The following ZNG1E variants were observed in gnomAD, a reference collection of about 807,000 sequenced individuals.
ZNG1E encodes Zn regulated GTPase metalloprotein activator 1E, also known as zinc-regulated GTPase metalloprotein activator 1E.
At chr9:65,674,992 T>C in the ZNG1E span, among the ~76,000 whole-genome samples, 2 of 147,326 alleles carry the variant, frequency 1.4e-5, no homozygotes, top group African/African-American at 5.1e-5. Context: ...CTCAGGAGTT[T>C]ATATATTATA....
At chr9:65,680,042 G>A in the ZNG1E span, among the ~76,000 whole-genome samples, 2 of 152,260 alleles carry the variant, frequency 1.3e-5, no homozygotes, top group African/African-American at 4.8e-5. Context: ...TATTTTATCT[G>A]TGAAAATAAG....
the ZNG1E span, chr9:65,706,972 GTTTATTTTTATT>G: frequency 7.7e-6 from 1 of 129,974 alleles, no homozygotes; most frequent in East Asian, 2.1e-4. Context: ...CATTCATTTG[GTTTATTTTTATT>G]TTTATTTTTA....
chr9:65,684,767 C>T, the ZNG1E span, among the ~76,000 whole-genome samples: 2 of 152,204 alleles, frequency 1.3e-5, no homozygotes, highest in Admixed American at 1.3e-4. Flanking sequence ...ATAAGCCCTT[C>T]AGGTGATTCT....
At chr9:65,677,783 G>A in the ZNG1E span, among the ~76,000 whole-genome samples, 5 of 152,128 alleles carry the variant, frequency 3.3e-5, no homozygotes, top group East Asian at 1.9e-4. Context: ...AATTGGCCCC[G>A]CACAATAAAC....
the ZNG1E span, chr9:65,732,872 C>T: frequency 2.9e-5 from 46 of 1,578,286 alleles, 1 homozygote; most frequent in African/African-American, 6.3e-4. Flanking sequence ...ATTTTCTCAG[C>T]TTAAGAGTTT....
At chr9:65,681,072 A>G in the ZNG1E span, among the ~76,000 whole-genome samples, 1 of 151,480 alleles carries the variant, frequency 6.6e-6, no homozygotes, top group South Asian at 2.1e-4. Flanking sequence ...TTAAATGAGC[A>G]CACGGTACAC....
At chr9:65,717,886 C>A in the ZNG1E span, among the ~76,000 whole-genome samples, 2 of 146,092 alleles carry the variant, frequency 1.4e-5, no homozygotes, top group South Asian at 4.4e-4. Flanking sequence ...GAGGTTTTGC[C>A]ATGTTGCTGA....
At chr9:65,683,919 A>T in the ZNG1E span, among the ~76,000 whole-genome samples, 1 of 152,290 alleles carries the variant, frequency 6.6e-6, no homozygotes, top group East Asian at 1.9e-4. Context: ...AGAAAAATAT[A>T]TTGTATGCTT....
chr9:65,719,126 C>CT, the ZNG1E span, among the ~76,000 whole-genome samples: 1 of 116,970 alleles, frequency 8.5e-6, no homozygotes, highest in African/African-American at 3.9e-5. Context: ...CTTGAAGTAG[C>CT]TTTTTAATGT....
At chr9:65,680,338 T>C in the ZNG1E span, among the ~76,000 whole-genome samples, 4 of 152,378 alleles carry the variant, frequency 2.6e-5, no homozygotes, top group Non-Finnish European at 5.9e-5. Flanking sequence ...AAAAGTGCTT[T>C]TTAGGCAAAA....
chr9:65,680,663 A>G, the ZNG1E span, among the ~76,000 whole-genome samples: 12 of 152,386 alleles, frequency 7.9e-5, no homozygotes, highest in Admixed American at 7.2e-4. Flanking sequence ...ACCGTTTGGT[A>G]TATTTCTGTA....
At chr9:65,667,017 C>T in the ZNG1E span, among the ~76,000 whole-genome samples, 15 of 149,118 alleles carry the variant, frequency 1.0e-4, no homozygotes, top group East Asian at 6.0e-4. Flanking sequence ...GACACGGTTT[C>T]ACCATGTCGG....
At chr9:65,684,550 G>GCACACGCACGCACA in the ZNG1E span, among the ~76,000 whole-genome samples, 1 of 132,772 alleles carries the variant, frequency 7.5e-6, no homozygotes, top group African/African-American at 3.1e-5. Context: ...ACACACGCAC[G>GCACACGCACGCACA]CACACACACA....
chr9:65,666,412 C>T, the ZNG1E span, among the ~76,000 whole-genome samples: 1 of 142,010 alleles, frequency 7.0e-6, no homozygotes, highest in Admixed American at 7.4e-5. Context: ...GATTGTGAGG[C>T]CTCTCCAGCC....
chr9:65,730,694 T>TTA, the ZNG1E span, among the ~76,000 whole-genome samples: 1 of 47,864 alleles, frequency 2.1e-5, no homozygotes, highest in South Asian at 6.5e-4. Flanking sequence ...AAGATGTGCT[T>TTA]TAGTATATTA....
the ZNG1E span, among the ~76,000 whole-genome samples, chr9:65,711,087 A>G: frequency 8.4e-6 from 1 of 119,432 alleles, no homozygotes; most frequent in African/African-American, 3.5e-5. Flanking sequence ...AGTAAGTTGG[A>G]TTCCTAGGTA....
At chr9:65,663,918 G>C in the ZNG1E span, among the ~76,000 whole-genome samples, 14 of 152,104 alleles carry the variant, frequency 9.2e-5, no homozygotes, top group Non-Finnish European at 2.1e-4. Context: ...GCAAGGGTGT[G>C]TATCATCACA....
the ZNG1E span, among the ~76,000 whole-genome samples, chr9:65,672,303 C>T: frequency 6.6e-6 from 1 of 151,982 alleles, no homozygotes; most frequent in Non-Finnish European, 1.5e-5. Flanking sequence ...GTAAATGAGA[C>T]AAAATAGCAA....
the ZNG1E span, among the ~76,000 whole-genome samples, chr9:65,672,865 C>G: frequency 8.5e-6 from 1 of 117,554 alleles, no homozygotes; most frequent in African/African-American, 3.5e-5. Context: ...AAAAACTTAA[C>G]TGAAGAGGAA....
Sources: gnomAD v4.1 joint callset for allele counts (sites outside exome capture counted in the v4.1 genomes callset) on GRCh38, gnomAD v4.1.1 for gene constraint, MANE v1.5 for transcripts, NCBI Gene and HGNC (gene_info 2026-07-23, HGNC 2026-07-21) for gene names.